The following CDKAL1 variants were observed in gnomAD, a reference collection of about 807,000 sequenced individuals.
CDKAL1 encodes the protein CDKAL1 threonylcarbamoyladenosine tRNA methylthiotransferase.
A neutral mutation model predicts 68.2 loss-of-function variants in CDKAL1; 32 were observed. The ratio of observed to expected loss-of-function variants is 0.47; its 90% CI spans 0.35 to 0.63. The LOEUF (loss-of-function observed/expected upper bound fraction) is 0.63. Ranked by LOEUF, CDKAL1 falls within the 30% of genes least tolerant of loss-of-function variation. The pLI is 0.00. For synonymous variants in CDKAL1, 234 were observed against 244.3 expected, an observed-to-expected ratio of 0.96 and a Z score of 0.39; for missense variants, 606 against 696.7, an observed-to-expected ratio of 0.87 and a Z score of 1.47.
chr6:20,578,211 A>T (rs1764991381), intron 4 of CDKAL1, among the ~76,000 whole-genome samples: 1 of 152,212 alleles, frequency 6.6e-6, no homozygotes, highest in Non-Finnish European at 1.5e-5. Context: ...AATAAAATGC[A>T]TAGATCTTAA....
At chr6:20,962,779 G>T (rs1260686417) in intron 10 of CDKAL1, among the ~76,000 whole-genome samples, 1 of 152,080 alleles carries the variant, frequency 6.6e-6, no homozygotes, top group African/African-American at 2.4e-5. Flanking sequence ...AGACATGCTA[G>T]ATTACTTATT....
chr6:20,784,569 C>T (rs537503644), intron 8 of CDKAL1, among the ~76,000 whole-genome samples: 9 of 151,482 alleles, frequency 5.9e-5, no homozygotes, highest in East Asian at 2.0e-4. Flanking sequence ...GGACTATAGG[C>T]GTGTGCCACC....
chr6:21,040,145 G>A (rs139916353), intron 11 of CDKAL1, among the ~76,000 whole-genome samples: 30 of 152,182 alleles, frequency 2.0e-4, no homozygotes, highest in African/African-American at 6.7e-4. Context: ...GTGGATAGAC[G>A]GAGATGTAAT....
Position 21,186,556 on chromosome 6 carries a change from G to A in CDKAL1, c.1300-11465G>A, listed in dbSNP as rs145913293. The stretch of plus-strand genomic sequence containing the variant: ...GGTTGCCTGATTTTCCCTAAAAACA[G>A]TGAGCAAGCTGATCATGCCATAAGG... On this transcript the variant is annotated intron_variant, in intron 13 of 15. Coordinates refer to ENST00000274695, the MANE Select transcript of CDKAL1 (RefSeq NM_017774.3). 2.6e-5 allele frequency among the ~76,000 whole-genome samples: 4 copies of A among 152,302 alleles called. No individual in the cohort carries two copies. In the East Asian group the frequency reaches 7.7e-4, roughly 29 times the overall value.
chr6:20,827,535 T>A (rs1777548079), intron 8 of CDKAL1, among the ~76,000 whole-genome samples: 1 of 152,164 alleles, frequency 6.6e-6, no homozygotes, highest in Non-Finnish European at 1.5e-5. Flanking sequence ...TTTCTATAAC[T>A]CTTAAGAGAT....
At chr6:20,806,284 A>G (rs903639523) in intron 8 of CDKAL1, among the ~76,000 whole-genome samples, 2 of 151,840 alleles carry the variant, frequency 1.3e-5, no homozygotes, top group Non-Finnish European at 2.9e-5. Flanking sequence ...ATGTCCTGCA[A>G]CTCCATCCAT....
rs575953068 is a variant in CDKAL1, at chr6:20,647,811, G to C, written c.287-1482G>C. ...TGGGTGGCAAATTAGACTATGGTCT[G>C]GGGGTAGAGGAAATGAATGCAAGAA... On this transcript the variant is annotated intron_variant, in intron 4 of 15. Transcript: ENST00000274695. Among the ~76,000 whole-genome samples, 8 of 152,242 alleles carry C rather than the reference G, an allele frequency of 5.3e-5. No homozygotes were observed. In the South Asian group the frequency reaches 1.5e-3, roughly 28 times the overall value.
intron 5 of CDKAL1, among the ~76,000 whole-genome samples, chr6:20,703,055 A>AC (rs1364319486): frequency 6.6e-6 from 1 of 152,240 alleles, no homozygotes; most frequent in Non-Finnish European, 1.5e-5. Context: ...TATGGTTTCC[A>AC]TTAGAATATG....
rs150847611 is a variant in CDKAL1 at position 20,659,406 on chromosome 6, C to G, written c.371+10029C>G. On this transcript the variant is annotated intron_variant, in intron 5 of 15. Coordinates refer to ENST00000274695, the MANE Select transcript of CDKAL1 (RefSeq NM_017774.3). ...TCAGTGAATCATTGTGTGCTTTTACCAGTCACAATCTCCTTTTTTCAGCTA... is the reference window on the plus strand; with the variant it reads ...TCAGTGAATCATTGTGTGCTTTTACGAGTCACAATCTCCTTTTTTCAGCTA... Among the ~76,000 whole-genome samples the G allele has an allele frequency of 4.1e-3, 618 of 152,116 alleles. 3 individuals carry two copies. Among genetic ancestry groups the G allele is most frequent in the African/African-American group, 0.014 (584 of 41,480 alleles).
intron 13 of CDKAL1, among the ~76,000 whole-genome samples, chr6:21,124,485 T>G (rs540306294): frequency 6.6e-6 from 1 of 152,142 alleles, no homozygotes; most frequent in African/African-American, 2.4e-5. Context: ...AATTCATCAC[T>G]GTATTTATTA....
At chr6:20,557,046 A>T (rs12176441) in intron 4 of CDKAL1, among the ~76,000 whole-genome samples, 1 of 96,840 alleles carries the variant, frequency 1.0e-5, no homozygotes, top group African/African-American at 6.3e-5. Flanking sequence ...CATCTCAAAA[A>T]AAAAAAATAA....
chr6:20,899,942 C>A (rs111744670), intron 9 of CDKAL1, among the ~76,000 whole-genome samples: 1 of 152,180 alleles, frequency 6.6e-6, no homozygotes, highest in African/African-American at 2.4e-5. Context: ...AGGATCTAAG[C>A]GATCTGACCA....
At chr6:21,200,950 A>T in intron 14 of CDKAL1, 160 bp from the exon 15 acceptor site, 1 of 519,962 alleles carries the variant, frequency 1.9e-6, no homozygotes, top group South Asian at 4.3e-5. Flanking sequence ...TTGTGGCAAA[A>T]GTGCTATACT....
At chr6:20,959,855 GTCC>G (rs1205640047) in intron 10 of CDKAL1, among the ~76,000 whole-genome samples, 1 of 151,994 alleles carries the variant, frequency 6.6e-6, no homozygotes, top group African/African-American at 2.4e-5. Context: ...GCTTAGTTTT[GTCC>G]TCCTAGTGAT....
intron 5 of CDKAL1, among the ~76,000 whole-genome samples, chr6:20,726,010 T>A (rs1772635947): frequency 6.6e-6 from 1 of 151,938 alleles, no homozygotes; most frequent in African/African-American, 2.4e-5. Context: ...TATTTTACCC[T>A]AAAATACGTT....
At chr6:20,623,975 C>T (rs1351930499) in intron 4 of CDKAL1, among the ~76,000 whole-genome samples, 2 of 151,924 alleles carry the variant, frequency 1.3e-5, no homozygotes, top group African/African-American at 2.4e-5. Flanking sequence ...AGAATATGCT[C>T]AATAAATGAT....
intron 5 of CDKAL1, among the ~76,000 whole-genome samples, chr6:20,708,531 T>C (rs1295343769): frequency 6.6e-6 from 1 of 152,228 alleles, no homozygotes; most frequent in Admixed American, 6.5e-5. Context: ...AGGGACTCTA[T>C]GACGTGGGCT....
chr6:21,183,137 GTT>G (rs35815279), intron 13 of CDKAL1, among the ~76,000 whole-genome samples: 21 of 144,392 alleles, frequency 1.5e-4, no homozygotes, highest in Non-Finnish European at 1.8e-4. Context: ...GCTGCTCTAG[GTT>G]TTTTTTTTTT....
Position 21,159,144 on chromosome 6 carries a change from C to G in CDKAL1, c.1300-38877C>G, listed in dbSNP as rs1776786547. 2.2e-5 allele frequency among the ~76,000 whole-genome samples: 3 copies of G among 138,590 alleles called. No homozygotes were observed. The South Asian group carries it at 6.8e-4, about 32-fold the overall frequency. The allele number at this position is 138,590 out of a possible 152,430, so 90.9% of individuals were successfully genotyped here. On this transcript the variant is annotated intron_variant, in intron 13 of 15. Transcript: ENST00000274695. ...ATTTTTTTAATGACTCCTGTAATGTCTCATCAAAAAAAGCAGTTTCTATAG... is the reference window on the plus strand; with the variant it reads ...ATTTTTTTAATGACTCCTGTAATGTGTCATCAAAAAAAGCAGTTTCTATAG...
Sources: allele counts gnomAD v4.1 joint callset (sites outside exome capture counted in the v4.1 genomes callset), GRCh38; gene constraint gnomAD v4.1.1; transcripts MANE v1.5; gene names NCBI Gene and HGNC (gene_info 2026-07-23, HGNC 2026-07-21).